ITPRIP: variants seen among roughly 807,000 people sequenced by gnomAD.
The protein encoded by ITPRIP is inositol 1,4,5-trisphosphate receptor interacting protein, also known as inositol 1,4,5-trisphosphate receptor-interacting protein.
ITPRIP carries 32 observed loss-of-function variants against 35.8 expected under a neutral mutation model. That is an observed-to-expected ratio of 0.89 (90% CI 0.68 to 1.20). The LOEUF is 1.20. Among genes scored for constraint, ITPRIP ranks in the 50% most tolerant of loss-of-function variants. The probability of loss-of-function intolerance (pLI) is 0.00; values close to 1 mark genes in which losing one functional copy is unlikely to be tolerated. For synonymous variants in ITPRIP, 358 were observed against 324.0 expected, an observed-to-expected ratio of 1.11 and a Z score of -1.13; for missense variants, 653 against 735.6, an observed-to-expected ratio of 0.89 and a Z score of 1.30.
chr10:104,335,046 T>C (rs770700804), intron 1 of ITPRIP, among the ~76,000 whole-genome samples: 49 of 152,202 alleles, frequency 3.2e-4, no homozygotes, highest in Admixed American at 1.4e-3. Context: ...CTAAGAGCCA[T>C]GCCCTGGGAC....
In ITPRIP at chr10:104,314,039, A is replaced by G; in HGVS notation, c.*369T>C. On this transcript the variant is annotated 3_prime_UTR_variant, in exon 2 of 2. Transcript: ENST00000337478. ...GTAGATCCTCTGCTCATATTCAAGT[A>G]CAGACTGGATCTGGGATTCAAAAAG... 2 of 1,031,414 alleles carry G rather than the reference A, an allele frequency of 1.9e-6. No individual in the cohort carries two copies. Among genetic ancestry groups the G allele is most frequent in the African/African-American group, 1.7e-5 (1 of 58,566 alleles). 63.9% of individuals were successfully genotyped at this position (1,031,414 alleles called of 1,614,324 possible). A position where few individuals can be genotyped will look rare whatever the true frequency, so the allele number is the denominator to read the frequency against.
chr10:104,309,857 G>T lies in ITPRIP; in HGVS notation c.*4551C>A, dbSNP rs1165078515. 1.3e-5 allele frequency: 2 copies of T among 152,182 alleles called. No individual in the cohort carries two copies. The highest frequency in any genetic ancestry group is 4.8e-5 in the African/African-American group (2 of 41,446). 9.4% of individuals were successfully genotyped at this position (152,182 alleles called of 1,614,324 possible). Reference sequence around the variant, plus strand: ...TAAGAAGTCAGAAGTGGGACCGTTAGTCTGTTACTTAATTTTCCTGTTAGT... The same window carrying T: ...TAAGAAGTCAGAAGTGGGACCGTTATTCTGTTACTTAATTTTCCTGTTAGT... On this transcript the variant is annotated 3_prime_UTR_variant, in exon 2 of 2. Transcript: ENST00000337478.
chr10:104,314,879 G>A lies in ITPRIP; in HGVS notation c.1173C>T (p.Phe391=). ...LLSFAVYERH[F]LRTTLKALPE... is the part of the protein sequence containing the mutation. ...GCAGTGCCTTTAGTGTCGTCCTGAG[G>A]AAGTGTCGCTCATAGACAGCAAAGG... The change falls in exon 2 of 2, where the codon TTC becomes TTT. Residue 391 remains phenylalanine (F), a synonymous_variant. Transcript: ENST00000337478. 1 of 1,613,754 alleles carries A rather than the reference G, an allele frequency of 6.2e-7. No homozygotes were observed. The highest frequency in any genetic ancestry group is 8.5e-7 in the Non-Finnish European group (1 of 1,180,032).
chr10:104,318,510 G>C (rs1460340928), intron 1 of ITPRIP, among the ~76,000 whole-genome samples: 1 of 152,140 alleles, frequency 6.6e-6, no homozygotes, highest in East Asian at 1.9e-4. Context: ...CAGGTGAGTG[G>C]GGCCACGGCC....
rs749482653 is a variant in ITPRIP at position 104,314,552 on chromosome 10, G to C, written c.1500C>G (p.Leu500=). 6.2e-7 allele frequency: 1 copy of C among 1,614,236 alleles called. No individual in the cohort carries two copies. Among genetic ancestry groups the C allele is most frequent in the East Asian group, 2.2e-5 (1 of 44,884 alleles). The change falls in exon 2 of 2, where the codon CTC becomes CTG. Residue 500 remains leucine (L), a synonymous_variant. Transcript: ENST00000337478. ...GCAGGACGAAGGGCCGGAAGAGGTTGAGGGGCTCGGCCCTGAGCACGGCCT... is the reference window on the plus strand; with the variant it reads ...GCAGGACGAAGGGCCGGAAGAGGTTCAGGGGCTCGGCCCTGAGCACGGCCT... ...LPEAVLRAEP[L]NLFRPFVLQR... is the part of the protein sequence containing the mutation.
intron 1 of ITPRIP, among the ~76,000 whole-genome samples, chr10:104,327,286 C>T (rs552061572): frequency 1.3e-5 from 2 of 152,238 alleles, no homozygotes; most frequent in East Asian, 3.9e-4. Flanking sequence ...AGTTAGCTCC[C>T]CAACCCTGCA....
chr10:104,337,157 C>CT (rs1184180401), intron 1 of ITPRIP, among the ~76,000 whole-genome samples: 1 of 152,226 alleles, frequency 6.6e-6, no homozygotes, highest in Non-Finnish European at 1.5e-5. Context: ...TTCTGATACT[C>CT]TATTTTCAGG....
At chr10:104,335,395 C>A (rs1481808316) in intron 1 of ITPRIP, among the ~76,000 whole-genome samples, 1 of 152,162 alleles carries the variant, frequency 6.6e-6, no homozygotes, top group Admixed American at 6.5e-5. Context: ...ACAGTTGTCT[C>A]ACCTCCTTCC....
intron 1 of ITPRIP, among the ~76,000 whole-genome samples, chr10:104,332,753 A>C (rs1371818576): frequency 6.6e-6 from 1 of 152,216 alleles, no homozygotes; most frequent in East Asian, 1.9e-4. Flanking sequence ...TAGCAAGTGT[A>C]TCTCAAGCAC....
Position 104,315,785 on chromosome 10 carries a change from C to T in ITPRIP, c.267G>A (p.Trp89Ter). The change falls in exon 2 of 2, where the codon TGG (tryptophan) becomes TGA (stop). Residue 89 changes from tryptophan (W) to a stop codon, truncating the protein, a stop_gained. Coordinates refer to ENST00000337478, the MANE Select transcript of ITPRIP (RefSeq NM_001272013.2). LOFTEE classifies it high-confidence loss of function. This position sits in a 1 kb window ranked among gnomAD's most constrained non-coding sequence, Gnocchi z 5.7. The stretch of plus-strand genomic sequence containing the variant: ...GGAAGAGGATCATGCAGAGGGTGCT[C>T]CAGAGGTCCCAGGCCACGCGTGTCT... Reference protein sequence around the residue: ...QNETRVAWDLWSTLCMILFLM... With the variant: ...QNETRVAWDL 1 of 1,613,964 alleles carries T rather than the reference C, an allele frequency of 6.2e-7. No individual in the cohort carries two copies. Among genetic ancestry groups the T allele is most frequent in the Non-Finnish European group, 8.5e-7 (1 of 1,179,996 alleles).
intron 1 of ITPRIP, among the ~76,000 whole-genome samples, chr10:104,319,270 C>T (rs1268517962): frequency 1.3e-5 from 2 of 152,214 alleles, no homozygotes; most frequent in Non-Finnish European, 2.9e-5. Context: ...ACCTTGGGTG[C>T]TTAGCACCGT....
chr10:104,322,002 C>T (rs1035068932), intron 1 of ITPRIP, among the ~76,000 whole-genome samples: 16 of 152,112 alleles, frequency 1.1e-4, no homozygotes, highest in African/African-American at 3.4e-4. Context: ...ACAATCCACG[C>T]GGGAAGGTAG....
chr10:104,313,091 G>T lies in ITPRIP; in HGVS notation c.*1317C>A. 2 of 985,358 alleles carry T rather than the reference G, an allele frequency of 2.0e-6. No homozygotes were observed. Among genetic ancestry groups the T allele is most frequent in the Non-Finnish European group, 2.4e-6 (2 of 829,940 alleles). 61.0% of individuals were successfully genotyped at this position (985,358 alleles called of 1,614,324 possible). A position where few individuals can be genotyped will look rare whatever the true frequency, so the allele number is the denominator to read the frequency against. On this transcript the variant is annotated 3_prime_UTR_variant, in exon 2 of 2. Coordinates refer to ENST00000337478, the MANE Select transcript of ITPRIP (RefSeq NM_001272013.2). ...CAGCAGTGCCCACACAGAAGGGGTGGGTTCTGTGCAGTGAGGGAGCCCCGC... is the reference window on the plus strand; with the variant it reads ...CAGCAGTGCCCACACAGAAGGGGTGTGTTCTGTGCAGTGAGGGAGCCCCGC...
At chr10:104,318,497 G>A (rs1052781656) in intron 1 of ITPRIP, among the ~76,000 whole-genome samples, 3 of 152,180 alleles carry the variant, frequency 2.0e-5, no homozygotes, top group Admixed American at 6.5e-5. Context: ...AGGATGCCAC[G>A]AACAGGTGAG....
At chr10:104,336,123 T>C (rs1044290104) in intron 1 of ITPRIP, among the ~76,000 whole-genome samples, 1 of 152,182 alleles carries the variant, frequency 6.6e-6, no homozygotes, top group Non-Finnish European at 1.5e-5. Context: ...CCAGTATTTC[T>C]AAGAGGCATC....
chr10:104,315,812 G>A lies in ITPRIP; in HGVS notation c.240C>T (p.Asn80=), dbSNP rs143136846. 1.4e-5 allele frequency: 23 copies of A among 1,613,308 alleles called. No homozygotes were observed. The African/African-American group carries it at 1.7e-4, about 12-fold the overall frequency. ...AGAGGTCCCAGGCCACGCGTGTCTC[G>A]TTCTGCTGCCTGCCCTCCTCCGCCA... ...EQVAEEGRQQ[N]ETRVAWDLWS... is the part of the protein sequence containing the mutation. The change falls in exon 2 of 2, where the codon AAC becomes AAT. Residue 80 remains asparagine (N), a synonymous_variant. Transcript: ENST00000337478. This position sits in a 1 kb window ranked among gnomAD's most constrained non-coding sequence, Gnocchi z 5.7.
chr10:104,334,306 AG>A (rs1391164836), intron 1 of ITPRIP, among the ~76,000 whole-genome samples: 3 of 152,208 alleles, frequency 2.0e-5, no homozygotes, highest in African/African-American at 7.2e-5. Flanking sequence ...TGGCCTACGC[AG>A]GGGATGCAAC....
At chr10:104,318,503 G>A (rs975635644) in intron 1 of ITPRIP, among the ~76,000 whole-genome samples, 3 of 152,166 alleles carry the variant, frequency 2.0e-5, no homozygotes, top group African/African-American at 4.8e-5. Flanking sequence ...CCACGAACAG[G>A]TGAGTGGGGC....
In ITPRIP at chr10:104,313,563, T is replaced by C. The variant is rs1370742666; in HGVS notation, c.*845A>G. ...AGCATCTGTCCTCCCCCTACCACAATGATAGTCAGAAAGACCAGCTTTGGA... is the reference window on the plus strand; with the variant it reads ...AGCATCTGTCCTCCCCCTACCACAACGATAGTCAGAAAGACCAGCTTTGGA... On this transcript the variant is annotated 3_prime_UTR_variant, in exon 2 of 2. Coordinates refer to ENST00000337478, the MANE Select transcript of ITPRIP (RefSeq NM_001272013.2). 3 of 985,436 alleles carry C rather than the reference T, an allele frequency of 3.0e-6. No individual in the cohort carries two copies. The highest frequency in any genetic ancestry group is 3.6e-6 in the Non-Finnish European group (3 of 829,988). The allele number at this position is 985,436 out of a possible 1,614,324, so 61.0% of individuals were successfully genotyped here. A position where few individuals can be genotyped will look rare whatever the true frequency, so the allele number is the denominator to read the frequency against.
Sources: allele counts gnomAD v4.1 joint callset (sites outside exome capture counted in the v4.1 genomes callset), GRCh38; gene constraint gnomAD v4.1.1; non-coding constraint Gnocchi (gnomAD v3.1); transcripts MANE v1.5; gene names NCBI Gene and HGNC (gene_info 2026-07-23, HGNC 2026-07-21).